CDHR3: variants seen among roughly 807,000 people sequenced by gnomAD.
CDHR3 encodes cadherin-related family member 3.
Under a neutral mutation model 86.6 loss-of-function variants are expected in CDHR3, and 79 were observed. The ratio of observed to expected loss-of-function variants is 0.91; its 90% CI spans 0.76 to 1.10. The LOEUF is 1.10. Among genes scored for constraint, CDHR3 ranks in the 50% least tolerant of loss-of-function variants. CDHR3 has a pLI of 0.00. For synonymous variants in CDHR3, 421 were observed against 402.4 expected (o/e 1.05, Z -0.55); for missense variants, 1,081 against 1,077.6 (o/e 1.00, Z -0.04).
chr7:105,993,368 G>C (rs1021707699), intron 4 of CDHR3, among the ~76,000 whole-genome samples: 1 of 152,072 alleles, frequency 6.6e-6, no homozygotes, highest in Non-Finnish European at 1.5e-5. Flanking sequence ...CCCAGATCTT[G>C]TGGTGAGGAC....
chr7:106,030,686 A>G lies in CDHR3; in HGVS notation c.2305-106A>G. 1.0e-6 allele frequency: 1 copy of G among 987,596 alleles called. No individual in the cohort carries two copies. Among genetic ancestry groups the G allele is most frequent in the Non-Finnish European group, 1.6e-6 (1 of 640,616 alleles). The allele number at this position is 987,596 out of a possible 1,614,324, so 61.2% of individuals were successfully genotyped here. On this transcript the variant is annotated intron_variant, in intron 17 of 18. Transcript: ENST00000317716. This position sits in a 1 kb window ranked among gnomAD's most constrained non-coding sequence, Gnocchi z 4.8. Reference sequence around the variant, plus strand: ...CACAGTGCCTAATTAAAGACTTAGAAGTCAAGAAGGCTTTGGTTAAGGAAC... The same window carrying G: ...CACAGTGCCTAATTAAAGACTTAGAGGTCAAGAAGGCTTTGGTTAAGGAAC...
chr7:106,001,728 C>G, intron 7 of CDHR3, 118 bp downstream of exon 7: 8 of 1,264,130 alleles, frequency 6.3e-6, no homozygotes, highest in Non-Finnish European at 8.9e-6. Context: ...CCGTGGATAC[C>G]AAAATCCACG....
chr7:106,028,996 T>TTTC (rs1563312309), intron 17 of CDHR3, among the ~76,000 whole-genome samples: 2 of 90,098 alleles, frequency 2.2e-5, no homozygotes, highest in Admixed American at 1.1e-4. Flanking sequence ...TTCTTTCTTT[T>TTTC]TAAGACACAG....
intron 10 of CDHR3, 76 bp downstream of exon 10, chr7:106,015,289 G>C: frequency 1.5e-6 from 2 of 1,312,620 alleles, no homozygotes; most frequent in Non-Finnish European, 2.1e-6. Context: ...GCAATACTAG[G>C]TATTGTGCTA....
At chr7:105,965,313 T>C (rs1826698863) in intron 1 of CDHR3, among the ~76,000 whole-genome samples, 1 of 151,888 alleles carries the variant, frequency 6.6e-6, no homozygotes, top group Non-Finnish European at 1.5e-5. Flanking sequence ...TAAAGTAACA[T>C]ACAGTAAAAA....
chr7:105,994,501 T>A (rs948972738), intron 4 of CDHR3, among the ~76,000 whole-genome samples: 25 of 152,280 alleles, frequency 1.6e-4, no homozygotes, highest in Admixed American at 3.9e-4. Flanking sequence ...TTTTATATGC[T>A]TTCTGTAGTT....
In CDHR3 at chr7:106,030,447, C is replaced by T. The variant is rs1366550069; in HGVS notation, c.2305-345C>T. On this transcript the variant is annotated intron_variant, in intron 17 of 18. Transcript: ENST00000317716. This position sits in a 1 kb window ranked among gnomAD's most constrained non-coding sequence, Gnocchi z 4.8. ...CATGCTGTGTGGCATTTCCACTCTTCCTTCTACGCTCAGATTTTATTTACT... is the reference window on the plus strand; with the variant it reads ...CATGCTGTGTGGCATTTCCACTCTTTCTTCTACGCTCAGATTTTATTTACT... 2.0e-5 allele frequency among the ~76,000 whole-genome samples: 3 copies of T among 152,220 alleles called. No homozygotes were observed. Among genetic ancestry groups the T allele is most frequent in the African/African-American group, 2.4e-5 (1 of 41,442 alleles).
chr7:106,029,548 G>C (rs364298), intron 17 of CDHR3, among the ~76,000 whole-genome samples: 55,492 of 147,290 alleles, frequency 0.38, 11,646 homozygotes, highest in Middle Eastern at 0.52. Flanking sequence ...CTCCACCTCT[G>C]TCTCTCTCTC....
intron 1 of CDHR3, among the ~76,000 whole-genome samples, chr7:105,967,773 A>G (rs1827211068): frequency 1.3e-5 from 2 of 152,292 alleles, no homozygotes; most frequent in South Asian, 4.1e-4. Flanking sequence ...GTGTCTGTTC[A>G]TATCCTTCAC....
intron 8 of CDHR3, among the ~76,000 whole-genome samples, chr7:106,009,159 A>G (rs755296968): frequency 1.3e-5 from 2 of 152,206 alleles, no homozygotes; most frequent in African/African-American, 4.8e-5. Flanking sequence ...AACTGCATTT[A>G]TTACTGAAGA....
In CDHR3 at chr7:106,015,200, C is replaced by A. The variant is rs1462857244; in HGVS notation, c.1314C>A (p.Pro438=). 24 of 1,608,318 alleles carry A rather than the reference C, an allele frequency of 1.5e-5. No homozygotes were observed. In the Middle Eastern group the frequency reaches 8.3e-4, roughly 55 times the overall value. ...TVIIQVQDVA[P]PYYKNNVYVY... is the part of the protein sequence containing the mutation. ...TAATCCAGGTGCAGGATGTGGCCCC[C>A]CCTTACTATAAAAGCAAGTATCATT... The change falls in exon 10 of 19, where the codon CCC becomes CCA. Residue 438 remains proline (P), a synonymous_variant. Transcript: ENST00000317716.
chr7:106,027,692 T>A, intron 16 of CDHR3: 1 of 453,432 alleles, frequency 2.2e-6, no homozygotes, highest in South Asian at 1.6e-5. Flanking sequence ...AATCACTCCA[T>A]CTACAGGCAT....
chr7:105,992,652 C>T (rs1177987377), intron 4 of CDHR3, among the ~76,000 whole-genome samples: 1 of 152,154 alleles, frequency 6.6e-6, no homozygotes, highest in African/African-American at 2.4e-5. Flanking sequence ...GCTGTGCCAT[C>T]GTTAACTAAC....
chr7:106,009,439 A>G (rs1454326010), intron 8 of CDHR3, among the ~76,000 whole-genome samples: 2 of 152,234 alleles, frequency 1.3e-5, no homozygotes, highest in Non-Finnish European at 2.9e-5. Flanking sequence ...AAAGCCAAGC[A>G]CGCAAGCAGG....
intron 3 of CDHR3, among the ~76,000 whole-genome samples, 154 bp downstream of exon 3, chr7:105,981,287 A>T: frequency 6.6e-6 from 1 of 152,232 alleles, no homozygotes; most frequent in Non-Finnish European, 1.5e-5. Context: ...AATGTCCTCC[A>T]GCTCAACACT....
At chr7:106,031,350 A>G (rs929268685) in intron 18 of CDHR3, among the ~76,000 whole-genome samples, 2 of 152,226 alleles carry the variant, frequency 1.3e-5, no homozygotes, top group Admixed American at 1.3e-4. Flanking sequence ...CATAAGGTAG[A>G]GCTGGCCTCC....
chr7:105,983,673 G>A (rs1830109912), intron 3 of CDHR3, among the ~76,000 whole-genome samples: 2 of 152,044 alleles, frequency 1.3e-5, no homozygotes, highest in Non-Finnish European at 2.9e-5. Context: ...TCAGTTTTTG[G>A]TTCCTCCCTT....
intron 4 of CDHR3, among the ~76,000 whole-genome samples, chr7:105,985,058 CA>C (rs3999857): frequency 0.39 from 54,541 of 140,820 alleles, 10,297 homozygotes; most frequent in Middle Eastern, 0.45. Context: ...GACCCTGTCT[CA>C]AAAAAAAAAA....
At chr7:105,980,287 G>A (rs1174238270) in intron 2 of CDHR3, among the ~76,000 whole-genome samples, 4 of 152,136 alleles carry the variant, frequency 2.6e-5, no homozygotes, top group Non-Finnish European at 5.9e-5. Flanking sequence ...TATTTATCAT[G>A]TTTAATGATG....
Sources: gnomAD v4.1 joint callset for allele counts (sites outside exome capture counted in the v4.1 genomes callset) on GRCh38, gnomAD v4.1.1 for gene constraint, Gnocchi (gnomAD v3.1) non-coding constraint, MANE v1.5 for transcripts, NCBI Gene and HGNC (gene_info 2026-07-23, HGNC 2026-07-21) for gene names.